The following GRK5 variants were observed in gnomAD, a reference collection of about 807,000 sequenced individuals.
The protein encoded by GRK5 is g protein-coupled receptor kinase GRK5.
GRK5 carries 40 observed loss-of-function variants against 78.4 expected under a neutral mutation model. The ratio of observed to expected loss-of-function variants is 0.51; its 90% CI spans 0.40 to 0.66. The LOEUF (loss-of-function observed/expected upper bound fraction) is 0.66. GRK5 is among the 30% of genes least tolerant of loss of function. GRK5 has a pLI of 0.00. For missense variants in GRK5, 598 were observed against 759.9 expected (o/e 0.79, Z 2.50); for synonymous variants, 289 against 296.8 (o/e 0.97, Z 0.27).
chr10:119,295,920 C>T (rs1159938200), intron 1 of GRK5, among the ~76,000 whole-genome samples: 2 of 151,900 alleles, frequency 1.3e-5, no homozygotes, highest in African/African-American at 4.8e-5. Flanking sequence ...ACCACCTGTA[C>T]CCCAATAACT....
chr10:119,387,814 C>A (rs1424122227), intron 3 of GRK5, among the ~76,000 whole-genome samples: 1 of 152,134 alleles, frequency 6.6e-6, no homozygotes, highest in East Asian at 1.9e-4. Context: ...CCAGATTCAC[C>A]CAGGGCACAT....
chr10:119,213,834 A>G (rs532333663), intron 1 of GRK5, among the ~76,000 whole-genome samples: 1 of 152,330 alleles, frequency 6.6e-6, no homozygotes, highest in Admixed American at 6.5e-5. Flanking sequence ...TTACAAGAGT[A>G]AAATTTATTT....
chr10:119,277,060 T>C (rs1015741047), intron 1 of GRK5, among the ~76,000 whole-genome samples: 5 of 152,248 alleles, frequency 3.3e-5, no homozygotes, highest in African/African-American at 9.6e-5. Context: ...CTCTGAATCA[T>C]GTGACCACGT....
intron 1 of GRK5, among the ~76,000 whole-genome samples, chr10:119,255,884 G>A (rs1016430160): frequency 1.3e-5 from 2 of 152,158 alleles, no homozygotes; most frequent in African/African-American, 2.4e-5. Flanking sequence ...GGAGGGCTCT[G>A]GGCCCAGGGA....
chr10:119,243,847 T>C (rs1366237742), intron 1 of GRK5, among the ~76,000 whole-genome samples: 1 of 152,120 alleles, frequency 6.6e-6, no homozygotes, highest in Non-Finnish European at 1.5e-5. Flanking sequence ...TAGGACCTAG[T>C]GGTTCATCAG....
intron 1 of GRK5, among the ~76,000 whole-genome samples, chr10:119,239,702 C>A (rs1265704195): frequency 1.3e-5 from 2 of 149,600 alleles, no homozygotes; most frequent in Non-Finnish European, 3.0e-5. Context: ...CCCTAATAAG[C>A]CCCGGTGTGT....
intron 1 of GRK5, among the ~76,000 whole-genome samples, chr10:119,275,538 G>A (rs1474164771): frequency 6.6e-6 from 1 of 151,156 alleles, no homozygotes; most frequent in Non-Finnish European, 1.5e-5. Flanking sequence ...ATGATTTTTG[G>A]AACTGGGGTC....
At chr10:119,242,272 A>G (rs1352551795) in intron 1 of GRK5, among the ~76,000 whole-genome samples, 6 of 151,978 alleles carry the variant, frequency 3.9e-5, no homozygotes, top group Non-Finnish European at 8.8e-5. Context: ...CTGAGTGGAA[A>G]AGTTTTACTG....
At chr10:119,207,992 GC>G in intron 1 of GRK5, 23 bp downstream of exon 1, 1 of 1,598,652 alleles carries the variant, frequency 6.3e-7, no homozygotes, top group Non-Finnish European at 8.5e-7. Context: ...GCCGGTACGT[GC>G]CCGGCGCGTC....
intron 4 of GRK5, among the ~76,000 whole-genome samples, chr10:119,398,623 T>G (rs1191228463): frequency 6.6e-6 from 1 of 152,224 alleles, no homozygotes; most frequent in Non-Finnish European, 1.5e-5. Context: ...TATTGAGGAC[T>G]CCTTGTGTCA....
At chr10:119,443,376 C>T (rs192929821) in intron 11 of GRK5, among the ~76,000 whole-genome samples, 168 bp from the exon 12 acceptor site, 3 of 152,276 alleles carry the variant, frequency 2.0e-5, no homozygotes, top group South Asian at 2.1e-4. Context: ...CAAAGTCCTT[C>T]GGGGGCACAG....
intron 4 of GRK5, among the ~76,000 whole-genome samples, chr10:119,418,967 C>A (rs926653802): frequency 6.6e-6 from 1 of 152,290 alleles, no homozygotes; most frequent in Middle Eastern, 3.4e-3. Context: ...AAGCGTGGCA[C>A]CCCTGACCAT....
At chr10:119,447,873 C>G (rs1853187394) in intron 12 of GRK5, among the ~76,000 whole-genome samples, 2 of 152,236 alleles carry the variant, frequency 1.3e-5, no homozygotes, top group South Asian at 4.1e-4. Flanking sequence ...CACCATAACC[C>G]AGGAACGAGG....
chr10:119,270,133 G>A (rs1417554115), intron 1 of GRK5, among the ~76,000 whole-genome samples: 1 of 152,208 alleles, frequency 6.6e-6, no homozygotes, highest in South Asian at 2.1e-4. Context: ...CCTGTTATTT[G>A]CATCCTAACT....
chr10:119,293,801 A>T (rs1850027150), intron 1 of GRK5, among the ~76,000 whole-genome samples: 1 of 152,220 alleles, frequency 6.6e-6, no homozygotes, highest in Non-Finnish European at 1.5e-5. Flanking sequence ...TCGGGGTGGT[A>T]CCCGAGTCTG....
chr10:119,447,327 C>G (rs1853172107), intron 12 of GRK5, among the ~76,000 whole-genome samples: 1 of 152,208 alleles, frequency 6.6e-6, no homozygotes, highest in Non-Finnish European at 1.5e-5. Flanking sequence ...GCCACCTGAC[C>G]TGGCCTTCAG....
intron 1 of GRK5, among the ~76,000 whole-genome samples, chr10:119,221,309 A>G (rs535367272): frequency 5.9e-5 from 9 of 152,224 alleles, no homozygotes; most frequent in East Asian, 1.9e-4. Flanking sequence ...GAACATCTAG[A>G]TAGAACTTTA....
chr10:119,222,880 C>T (rs1174612203), intron 1 of GRK5, among the ~76,000 whole-genome samples: 1 of 152,206 alleles, frequency 6.6e-6, no homozygotes, highest in African/African-American at 2.4e-5. Flanking sequence ...AAGGGGCCCG[C>T]ATGGGTGGCC....
intron 1 of GRK5, among the ~76,000 whole-genome samples, chr10:119,300,976 C>T (rs557803228): frequency 5.2e-4 from 79 of 152,068 alleles, no homozygotes; most frequent in African/African-American, 1.5e-3. Context: ...TGATGGCGGG[C>T]GCCTGTAATC....
Sources: allele counts gnomAD v4.1 joint callset (sites outside exome capture counted in the v4.1 genomes callset), GRCh38; gene constraint gnomAD v4.1.1; transcripts MANE v1.5; gene names NCBI Gene and HGNC (gene_info 2026-07-23, HGNC 2026-07-21).